Variants in DLGAP2 observed in about 807,000 individuals in gnomAD.
The protein encoded by DLGAP2 is disks large-associated protein 2.
Under a neutral mutation model 100.3 loss-of-function variants are expected in DLGAP2, and 26 were observed. That is an observed-to-expected ratio of 0.26 (90% CI 0.19 to 0.36). The LOEUF (loss-of-function observed/expected upper bound fraction) is 0.36. Among genes scored for constraint, DLGAP2 ranks in the 10% least tolerant of loss-of-function variants. The pLI is 1.00. For missense variants in DLGAP2, 1,858 were observed against 1,453.2 expected (o/e 1.28, Z -4.53); for synonymous variants, 886 against 630.1 (o/e 1.41, Z -6.08).
At chr8:908,315 C>T (rs936499978) in intron 2 of DLGAP2, among the ~76,000 whole-genome samples, 1 of 152,142 alleles carries the variant, frequency 6.6e-6, no homozygotes, top group Non-Finnish European at 1.5e-5. Flanking sequence ...TAAAGAAAAT[C>T]ACCATTCTTA....
At chr8:1,616,663 C>G (rs1458982033) in intron 6 of DLGAP2, among the ~76,000 whole-genome samples, 1 of 152,090 alleles carries the variant, frequency 6.6e-6, no homozygotes, top group Non-Finnish European at 1.5e-5. Context: ...AAAATGAGAG[C>G]AAAATAAAGA....
At chr8:1,647,295 G>C (rs919208656) in intron 8 of DLGAP2, among the ~76,000 whole-genome samples, 1 of 151,702 alleles carries the variant, frequency 6.6e-6, no homozygotes, top group Non-Finnish European at 1.5e-5. Flanking sequence ...CTTTATCCTG[G>C]CTAACACGGT....
intron 2 of DLGAP2, among the ~76,000 whole-genome samples, chr8:1,058,709 C>T (rs1290394569): frequency 3.3e-5 from 5 of 152,188 alleles, no homozygotes; most frequent in African/African-American, 1.2e-4. Context: ...GTGGTTGTCA[C>T]CTCTTAAGAC....
chr8:1,583,031 G>C (rs901804658), intron 6 of DLGAP2, among the ~76,000 whole-genome samples: 2 of 152,220 alleles, frequency 1.3e-5, no homozygotes, highest in African/African-American at 4.8e-5. Flanking sequence ...TTCAGCATCT[G>C]AACCAGAGCT....
intron 1 of DLGAP2, among the ~76,000 whole-genome samples, chr8:748,466 G>C (rs1820708578): frequency 1.3e-5 from 2 of 152,124 alleles, no homozygotes; most frequent in Non-Finnish European, 2.9e-5. Flanking sequence ...TGTGGGCGTT[G>C]GTGGGTCAGC....
chr8:1,213,507 A>G (rs1298754925), intron 2 of DLGAP2, among the ~76,000 whole-genome samples: 10 of 151,998 alleles, frequency 6.6e-5, no homozygotes, highest in Non-Finnish European at 1.5e-5. Flanking sequence ...AATATTCCTG[A>G]CTTTATATCA....
intron 6 of DLGAP2, among the ~76,000 whole-genome samples, chr8:1,613,444 A>G (rs1797045869): frequency 6.6e-6 from 1 of 152,042 alleles, no homozygotes; most frequent in African/African-American, 2.4e-5. Context: ...CTAAGGCTAG[A>G]TGACGAGTTA....
chr8:1,620,953 C>G (rs1157792070), intron 6 of DLGAP2, among the ~76,000 whole-genome samples: 1 of 152,210 alleles, frequency 6.6e-6, no homozygotes, highest in Admixed American at 6.5e-5. Context: ...ACCCTCTGCT[C>G]TCCAGACAAA....
intron 8 of DLGAP2, among the ~76,000 whole-genome samples, chr8:1,665,604 T>C (rs1351170968): frequency 2.0e-5 from 3 of 152,230 alleles, no homozygotes; most frequent in Non-Finnish European, 2.9e-5. Flanking sequence ...GATTTTTTAC[T>C]ACCCCTATTG....
intron 1 of DLGAP2, among the ~76,000 whole-genome samples, chr8:855,306 A>G (rs552187783): frequency 2.0e-5 from 3 of 151,052 alleles, no homozygotes; most frequent in Non-Finnish European, 3.0e-5. Context: ...TCTGTTTTCT[A>G]TTAATTCATG....
intron 3 of DLGAP2, among the ~76,000 whole-genome samples, chr8:1,329,290 C>G (rs574748799): frequency 4.6e-5 from 7 of 152,310 alleles, no homozygotes; most frequent in South Asian, 4.1e-4. Flanking sequence ...AGTAATCGCA[C>G]AAGTGCACCA....
chr8:1,583,399 A>G (rs572223220), intron 6 of DLGAP2, among the ~76,000 whole-genome samples: 1 of 149,700 alleles, frequency 6.7e-6, no homozygotes, highest in African/African-American at 2.5e-5. Context: ...ACAGCGTAAC[A>G]CCACCATGCT....
chr8:1,162,379 C>T (rs978935301), intron 2 of DLGAP2, among the ~76,000 whole-genome samples: 1 of 152,190 alleles, frequency 6.6e-6, no homozygotes, highest in Non-Finnish European at 1.5e-5. Flanking sequence ...GTGGAGACGT[C>T]TTAGGTAGAA....
chr8:995,638 T>G (rs2129016927), intron 2 of DLGAP2, among the ~76,000 whole-genome samples: 1 of 152,348 alleles, frequency 6.6e-6, no homozygotes, highest in Non-Finnish European at 1.5e-5. Flanking sequence ...TGCACATATT[T>G]CTATTCAAGA....
chr8:904,813 G>C (rs945395128), intron 1 of DLGAP2, among the ~76,000 whole-genome samples: 5 of 152,236 alleles, frequency 3.3e-5, no homozygotes, highest in African/African-American at 1.2e-4. Flanking sequence ...CGCTGCTGTA[G>C]AACAGGCAGG....
chr8:1,164,634 C>G (rs917122857), intron 2 of DLGAP2, among the ~76,000 whole-genome samples: 2 of 152,254 alleles, frequency 1.3e-5, no homozygotes, highest in African/African-American at 4.8e-5. Flanking sequence ...TGCTCAGAAC[C>G]GCCAGGGCCT....
At chr8:1,030,788 C>A (rs1441639693) in intron 2 of DLGAP2, among the ~76,000 whole-genome samples, 1 of 152,144 alleles carries the variant, frequency 6.6e-6, no homozygotes, top group Non-Finnish European at 1.5e-5. Flanking sequence ...TGTGAACTGA[C>A]CTAAGTTAAA....
intron 2 of DLGAP2, among the ~76,000 whole-genome samples, chr8:1,033,785 A>G (rs1802043525): frequency 6.8e-6 from 1 of 147,614 alleles, no homozygotes; most frequent in African/African-American, 2.5e-5. Context: ...GTGGGTTCAC[A>G]CGCTCATCCC....
chr8:1,380,456 C>T (rs1796065277), intron 3 of DLGAP2: 1 of 152,196 alleles, frequency 6.6e-6, no homozygotes, highest in Admixed American at 6.5e-5. Context: ...CAAATTCGTG[C>T]ATAAAACTCA....
Sources: gnomAD v4.1 joint callset for allele counts (sites outside exome capture counted in the v4.1 genomes callset) on GRCh38, gnomAD v4.1.1 for gene constraint, MANE v1.5 for transcripts, NCBI Gene and HGNC (gene_info 2026-07-23, HGNC 2026-07-21) for gene names.